The following APOC3 variants were observed in gnomAD, a reference collection of about 807,000 sequenced individuals.
The protein encoded by APOC3 is apolipoprotein C-III.
APOC3 carries 6 observed loss-of-function variants against 7.3 expected under a neutral mutation model. That is an observed-to-expected ratio of 0.82 (90% CI 0.45 to 1.61). The LOEUF (loss-of-function observed/expected upper bound fraction) is 1.61. Ranked by LOEUF, APOC3 falls within the 40% of genes most tolerant of loss-of-function variation. The probability of loss-of-function intolerance (pLI) is 0.01; values close to 1 mark genes in which losing one functional copy is unlikely to be tolerated. For missense variants in APOC3, 123 were observed against 124.9 expected (o/e 0.98, Z 0.07); for synonymous variants, 45 against 51.2 (o/e 0.88, Z 0.52).
In APOC3 at chr11:116,832,882, T is replaced by G; in HGVS notation, c.298T>G (p.Ter100GlyextTer55). The G allele has an allele frequency of 6.2e-7, 1 of 1,613,744 alleles. No homozygotes were observed. Among genetic ancestry groups the G allele is most frequent in the Non-Finnish European group, 8.5e-7 (1 of 1,180,008 alleles). The change falls in exon 4 of 4, where the codon TGA (stop) becomes GGA (glycine). Residue 100 changes from the stop codon to glycine, a stop_lost. Coordinates refer to ENST00000227667, the MANE Select transcript of APOC3 (RefSeq NM_000040.3). ...EVRPTSAVAA[*>G] ...CAGACCAACTTCAGCCGTGGCTGCC[T>G]GAGACCTCAATACCCCAAGTCCACC...
intron 3 of APOC3, among the ~76,000 whole-genome samples, chr11:116,831,972 T>C (rs2134226471): frequency 6.6e-6 from 1 of 152,290 alleles, no homozygotes; most frequent in Middle Eastern, 3.4e-3. Context: ...GCAGCCCGGC[T>C]CCTAACAGTC....
chr11:116,830,504 C>T (rs373712771), intron 1 of APOC3, 66 bp from the exon 2 acceptor site: 19 of 1,571,484 alleles, frequency 1.2e-5, no homozygotes, highest in Non-Finnish European at 1.7e-5. Context: ...GGCCACGCCA[C>T]CTCCCCAGGG....
chr11:116,830,463 C>A (rs1283939693), intron 1 of APOC3, 107 bp from the exon 2 acceptor site: 4 of 1,204,062 alleles, frequency 3.3e-6, no homozygotes, highest in Admixed American at 1.9e-5. Flanking sequence ...CCTACTCCTT[C>A]TGGCAGACCC....
chr11:116,831,427 C>T (rs1941459559), intron 3 of APOC3, among the ~76,000 whole-genome samples: 1 of 150,312 alleles, frequency 6.7e-6, no homozygotes, highest in South Asian at 2.1e-4. Context: ...TGCAGTGGTG[C>T]CATCTCGGCT....
chr11:116,832,930 C>T lies in APOC3; in HGVS notation c.*46C>T. The T allele has an allele frequency of 6.2e-7, 1 of 1,612,774 alleles. No individual in the cohort carries two copies. The highest frequency in any genetic ancestry group is 1.1e-5 in the South Asian group (1 of 91,032). ...ACCTGCCTATCCATCCTGCGAGCTC[C>T]TTGGGTCCTGCAATCTCCAGGGCTG... On this transcript the variant is annotated 3_prime_UTR_variant, in exon 4 of 4. Coordinates refer to ENST00000227667, the MANE Select transcript of APOC3 (RefSeq NM_000040.3).
Position 116,832,765 on chromosome 11 carries a change from G to A in APOC3, c.181G>A (p.Gly61Ser). Reference protein sequence around the residue: ...QESQVAQQARGWVTDGFSSLK... With the variant: ...QESQVAQQARSWVTDGFSSLK... ...TGTTGCTTCCCCTGACTGATTTAGG[G>A]GCTGGGTGACCGATGGCTTCAGTTC... is the stretch of plus-strand genomic sequence containing the variant. Residue 61 changes from glycine (G) to serine (S), a missense_variant and splice_region_variant, in exon 4 of 4, where the codon GGC (glycine) becomes AGC (serine). Physicochemically the swap from Gly to Ser is moderately conservative, Grantham distance 56. Coordinates refer to ENST00000227667, the MANE Select transcript of APOC3 (RefSeq NM_000040.3). 1 of 1,614,094 alleles carries A rather than the reference G, an allele frequency of 6.2e-7. No homozygotes were observed. The highest frequency in any genetic ancestry group is 8.5e-7 in the Non-Finnish European group (1 of 1,180,014).
rs1463130718 is a variant in APOC3, at chr11:116,831,269, TC to T, written c.179+375del. ...TCTTTCTTTCTTTCCTTTCTTTCTT[TC>T]CTTTCTTTCTTTCCTTTCTTTCTTT... On this transcript the variant is annotated intron_variant, in intron 3 of 3. Coordinates refer to ENST00000227667, the MANE Select transcript of APOC3 (RefSeq NM_000040.3). Among the ~76,000 whole-genome samples, 378 of 41,790 alleles carry T rather than the reference TC, an allele frequency of 9.0e-3. 1 individual carries two copies. The highest frequency in any genetic ancestry group is 0.015 in the East Asian group (38 of 2,514). 27.4% of individuals were successfully genotyped at this position (41,790 alleles called of 152,430 possible).
At chr11:116,830,951 C>A in intron 3 of APOC3, 55 bp downstream of exon 3, 7 of 1,590,066 alleles carry the variant, frequency 4.4e-6, no homozygotes, top group Non-Finnish European at 6.0e-6. Flanking sequence ...CCATTCCCAC[C>A]CGCCCCTGCC....
At chr11:116,831,351 CCTTT>C (rs1177710204) in intron 3 of APOC3, among the ~76,000 whole-genome samples, 1 of 133,278 alleles carries the variant, frequency 7.5e-6, no homozygotes, top group Non-Finnish European at 1.6e-5. Flanking sequence ...TCCCTCTCTT[CCTTT>C]CTCTCTTTCT....
chr11:116,831,974 C>T (rs1941467935), intron 3 of APOC3, among the ~76,000 whole-genome samples: 1 of 152,214 alleles, frequency 6.6e-6, no homozygotes. Context: ...AGCCCGGCTC[C>T]TAACAGTCCA....
chr11:116,832,313 G>A (rs1195960298), intron 3 of APOC3, among the ~76,000 whole-genome samples: 4 of 152,294 alleles, frequency 2.6e-5, no homozygotes, highest in African/African-American at 7.2e-5. Flanking sequence ...GGCTCAGAGC[G>A]ATTAGGTGAC....
intron 3 of APOC3, chr11:116,831,225 C>CTT (rs1565336443): frequency 5.3e-6 from 1 of 188,202 alleles, no homozygotes; most frequent in Non-Finnish European, 9.4e-6. Context: ...TTCTTTCTTT[C>CTT]TTTCTTTCTT....
rs971827928 is a variant in APOC3 at position 116,833,046 on chromosome 11, A to G, written c.*162A>G. 1.1e-5 allele frequency: 11 copies of G among 1,004,432 alleles called. No individual in the cohort carries two copies. Among genetic ancestry groups the G allele is most frequent in the South Asian group, 2.7e-5 (2 of 74,038 alleles). The allele number at this position is 1,004,432 out of a possible 1,614,324, so 62.2% of individuals were successfully genotyped here. A position where few individuals can be genotyped will look rare whatever the true frequency, so the allele number is the denominator to read the frequency against. ...CCCCTCCAGGCATGCTGGCCTCCCA[A>G]TAAAGCTGGACAAGAAGCTGCTATG... On this transcript the variant is annotated 3_prime_UTR_variant, in exon 4 of 4. Coordinates refer to ENST00000227667, the MANE Select transcript of APOC3 (RefSeq NM_000040.3).
intron 3 of APOC3, chr11:116,831,196 T>C (rs963457122): frequency 4.7e-5 from 2 of 42,600 alleles, no homozygotes; most frequent in Non-Finnish European, 1.3e-4. Context: ...TCTATTTCTT[T>C]CTTTCTTTCT....
rs1941440575 is a variant in APOC3 at position 116,830,969 on chromosome 11, G to T, written c.179+73G>T. On this transcript the variant is annotated intron_variant, in intron 3 of 3. Coordinates refer to ENST00000227667, the MANE Select transcript of APOC3 (RefSeq NM_000040.3). ...TTCCCACCCGCCCCTGCCCTGGTGA[G>T]ATCCCAACAATGGAATGGAGGTGCT... is the stretch of plus-strand genomic sequence containing the variant. 27 of 1,555,300 alleles carry T rather than the reference G, an allele frequency of 1.7e-5. 1 individual carries two copies. In the South Asian group the frequency reaches 3.0e-4, roughly 17 times the overall value.
chr11:116,831,475 C>A (rs1242823963), intron 3 of APOC3, among the ~76,000 whole-genome samples: 1 of 151,782 alleles, frequency 6.6e-6, no homozygotes, highest in African/African-American at 2.4e-5. Flanking sequence ...ACCCATTCTC[C>A]TGCCTCAGCC....
Position 116,830,800 on chromosome 11 carries a change from T to C in APOC3, c.83T>C (p.Leu28Pro). The C allele has an allele frequency of 6.2e-7, 1 of 1,613,222 alleles. No individual in the cohort carries two copies. Among genetic ancestry groups the C allele is most frequent in the Non-Finnish European group, 8.5e-7 (1 of 1,179,942 alleles). ...ARASEAEDAS[L>P]LSFMQGYMKH... ...GCTTCAGAGGCCGAGGATGCCTCCC[T>C]TCTCAGCTTCATGCAGGGTTACATG... The change falls in exon 3 of 4, where the codon CTT becomes CCT. Residue 28 changes from leucine (L) to proline (P), a missense_variant. Leu to Pro is a moderately conservative substitution (Grantham distance 98). Coordinates refer to ENST00000227667, the MANE Select transcript of APOC3 (RefSeq NM_000040.3).
At chr11:116,832,333 A>T (rs888143051) in intron 3 of APOC3, among the ~76,000 whole-genome samples, 10 of 152,216 alleles carry the variant, frequency 6.6e-5, no homozygotes, top group Admixed American at 6.5e-4. Flanking sequence ...CCTGCCCCAG[A>T]TCACACAACT....
chr11:116,831,189 A>ATTTTTC (rs72441743), intron 3 of APOC3: 1,729 of 148,482 alleles, frequency 0.012, 213 homozygotes, highest in East Asian at 0.021. Flanking sequence ...TTCTCTTTCT[A>ATTTTTC]TTTCTTTCTT....
Sources: gnomAD v4.1 joint callset for allele counts (sites outside exome capture counted in the v4.1 genomes callset) on GRCh38, gnomAD v4.1.1 for gene constraint, MANE v1.5 for transcripts, NCBI Gene and HGNC (gene_info 2026-07-23, HGNC 2026-07-21) for gene names.